CDK19: variants seen among roughly 807,000 people sequenced by gnomAD.
CDK19 encodes cyclin dependent kinase 19.
Under a neutral mutation model 68.3 loss-of-function variants are expected in CDK19, and 20 were observed. That is an observed-to-expected ratio of 0.29 (90% CI 0.21 to 0.43). The LOEUF (loss-of-function observed/expected upper bound fraction) is 0.43, where lower values mean the gene tolerates loss of function less well. Among genes scored for constraint, CDK19 ranks in the 20% least tolerant of loss-of-function variants. The probability of loss-of-function intolerance (pLI) is 1.00; values close to 1 mark genes in which losing one functional copy is unlikely to be tolerated. For synonymous variants in CDK19, 221 were observed against 222.8 expected (o/e 0.99, Z 0.07); for missense variants, 339 against 623.5 (o/e 0.54, Z 4.86).
intron 1 of CDK19, among the ~76,000 whole-genome samples, chr6:110,794,682 G>C (rs1051392131): frequency 1.3e-5 from 2 of 148,248 alleles, no homozygotes; most frequent in South Asian, 2.2e-4. Flanking sequence ...GGATTACAGG[G>C]GTGAGCCACC....
intron 4 of CDK19, among the ~76,000 whole-genome samples, chr6:110,639,295 C>T (rs950321921): frequency 1.3e-5 from 2 of 152,162 alleles, no homozygotes; most frequent in Non-Finnish European, 2.9e-5. Flanking sequence ...AATGTATCTA[C>T]CATATTTTCA....
At chr6:110,707,073 G>A (rs1774571935) in intron 2 of CDK19, among the ~76,000 whole-genome samples, 1 of 151,568 alleles carries the variant, frequency 6.6e-6, no homozygotes, top group South Asian at 2.1e-4. Context: ...CACTTTGGGA[G>A]GCTGAGGCAG....
intron 2 of CDK19, among the ~76,000 whole-genome samples, chr6:110,718,662 C>G (rs1645326623): frequency 6.8e-6 from 1 of 146,730 alleles, no homozygotes; most frequent in South Asian, 2.2e-4. Context: ...AAAAACCCTT[C>G]TAATTCTTTA....
intron 12 of CDK19, 135 bp downstream of exon 12, chr6:110,620,969 T>G (rs1249710375): frequency 3.9e-6 from 3 of 774,804 alleles, no homozygotes; most frequent in Non-Finnish European, 6.0e-6. Context: ...AAAATCTTCC[T>G]CTTCATAGAA....
rs1777612477 is a variant in CDK19 at position 110,740,908 on chromosome 6, A to G, written c.204+5218T>C. 2.0e-5 allele frequency among the ~76,000 whole-genome samples: 3 copies of G among 152,142 alleles called. No individual in the cohort carries two copies. The South Asian group carries it at 6.2e-4, about 31-fold the overall frequency. ...ATTCCCTTATATACTCTGTCCTTCC[A>G]CCACCAGGAAAACTAAACAAATAAT... On this transcript the variant is annotated intron_variant, in intron 2 of 12. Coordinates refer to ENST00000368911, the MANE Select transcript of CDK19 (RefSeq NM_015076.5).
At chr6:110,632,848 A>G (rs1779526234) in intron 5 of CDK19, among the ~76,000 whole-genome samples, 1 of 152,234 alleles carries the variant, frequency 6.6e-6, no homozygotes, top group Non-Finnish European at 1.5e-5. Context: ...TTACAAAAAC[A>G]TTCTTAAGTG....
intron 1 of CDK19, among the ~76,000 whole-genome samples, chr6:110,755,223 T>C (rs983089276): frequency 6.6e-6 from 1 of 151,990 alleles, no homozygotes; most frequent in Non-Finnish European, 1.5e-5. Flanking sequence ...GTATTTTTGG[T>C]AGAGATGGGG....
At chr6:110,656,860 C>T (rs916167009) in intron 4 of CDK19, among the ~76,000 whole-genome samples, 14 of 152,292 alleles carry the variant, frequency 9.2e-5, no homozygotes, top group South Asian at 2.1e-4. Context: ...GGTCATTATG[C>T]GAGTATAATC....
intron 1 of CDK19, among the ~76,000 whole-genome samples, chr6:110,756,112 G>A (rs1167635600): frequency 6.6e-6 from 1 of 151,898 alleles, no homozygotes; most frequent in Non-Finnish European, 1.5e-5. Context: ...TACGAAATTA[G>A]CTAGGCGTGG....
chr6:110,802,218 A>G (rs1239161178), intron 1 of CDK19, among the ~76,000 whole-genome samples: 1 of 152,252 alleles, frequency 6.6e-6, no homozygotes, highest in Non-Finnish European at 1.5e-5. Context: ...TCTACCAAAA[A>G]GACACCTGCA....
intron 2 of CDK19, among the ~76,000 whole-genome samples, chr6:110,680,793 T>G (rs1245288323): frequency 6.6e-6 from 1 of 152,028 alleles, no homozygotes; most frequent in Non-Finnish European, 1.5e-5. Context: ...AGCCAGGAGT[T>G]CGAGGCCAGC....
At chr6:110,615,016 T>G (rs1778224839) in intron 12 of CDK19, among the ~76,000 whole-genome samples, 2 of 152,150 alleles carry the variant, frequency 1.3e-5, no homozygotes, top group African/African-American at 4.8e-5. Flanking sequence ...ACAAGAATAA[T>G]CAATTTGGCA....
chr6:110,637,150 G>A (rs1031314925), intron 5 of CDK19, among the ~76,000 whole-genome samples: 5 of 152,146 alleles, frequency 3.3e-5, no homozygotes, highest in Non-Finnish European at 7.3e-5. Flanking sequence ...AAATAAATGC[G>A]GTAACATCAA....
At chr6:110,795,250 T>C (rs1781862683) in intron 1 of CDK19, among the ~76,000 whole-genome samples, 1 of 152,214 alleles carries the variant, frequency 6.6e-6, no homozygotes, top group Non-Finnish European at 1.5e-5. Flanking sequence ...GGATTACAAG[T>C]GTGAGTCACC....
chr6:110,631,424 G>A (rs1317086662), intron 6 of CDK19, among the ~76,000 whole-genome samples: 2 of 152,140 alleles, frequency 1.3e-5, no homozygotes, highest in Non-Finnish European at 2.9e-5. Flanking sequence ...ACTGTTCTGA[G>A]GCAGACTTTA....
At chr6:110,675,819 C>G (rs926065635) in intron 2 of CDK19, among the ~76,000 whole-genome samples, 7 of 152,072 alleles carry the variant, frequency 4.6e-5, no homozygotes, top group African/African-American at 1.7e-4. Flanking sequence ...AACAATGCAC[C>G]TGGTCACCCA....
intron 3 of CDK19, among the ~76,000 whole-genome samples, chr6:110,668,259 C>A (rs1782069892): frequency 6.6e-6 from 1 of 152,154 alleles, no homozygotes; most frequent in Admixed American, 6.5e-5. Flanking sequence ...CCCACCCCTG[C>A]CTCTGTCCAA....
intron 2 of CDK19, among the ~76,000 whole-genome samples, chr6:110,745,925 G>A (rs1287401832): frequency 1.3e-5 from 2 of 151,858 alleles, no homozygotes; most frequent in East Asian, 3.8e-4. Flanking sequence ...CTCCAGCCTG[G>A]GCAACAAAAT....
At chr6:110,738,330 T>G (rs1777402768) in intron 2 of CDK19, among the ~76,000 whole-genome samples, 2 of 148,120 alleles carry the variant, frequency 1.4e-5, no homozygotes, top group East Asian at 2.0e-4. Context: ...GCCAACACGG[T>G]GAAACCCCAT....
Sources: allele counts gnomAD v4.1 joint callset (sites outside exome capture counted in the v4.1 genomes callset), GRCh38; gene constraint gnomAD v4.1.1; transcripts MANE v1.5; gene names NCBI Gene and HGNC (gene_info 2026-07-23, HGNC 2026-07-21).